Variants in TCP11L1 observed in about 807,000 individuals in gnomAD.
TCP11L1 encodes T-complex protein 11-like protein 1.
TCP11L1 carries 28 observed loss-of-function variants against 48.9 expected under a neutral mutation model. That is an observed-to-expected ratio of 0.57 (90% CI 0.42 to 0.78). The LOEUF is 0.78. Ranked by LOEUF, TCP11L1 falls within the 30% of genes least tolerant of loss-of-function variation. The pLI is 0.00. For missense variants in TCP11L1, 505 were observed against 613.4 expected, an observed-to-expected ratio of 0.82 and a Z score of 1.87; for synonymous variants, 204 against 231.9, an observed-to-expected ratio of 0.88 and a Z score of 1.09.
At chr11:33,049,248 CAAAA>C (rs3078634) in intron 2 of TCP11L1, among the ~76,000 whole-genome samples, 3 of 127,712 alleles carry the variant, frequency 2.3e-5, no homozygotes, top group African/African-American at 3.0e-5. Context: ...GACTCCGTCT[CAAAA>C]AAAAAAAAAA....
intron 3 of TCP11L1, chr11:33,056,594 G>A (rs553772206): frequency 1.1e-5 from 2 of 174,644 alleles, no homozygotes; most frequent in Non-Finnish European, 2.5e-5. Flanking sequence ...ACAGAGTCTC[G>A]CTCTGTTGTC....
chr11:33,042,558 T>C (rs1232062469), intron 1 of TCP11L1, among the ~76,000 whole-genome samples: 1 of 152,244 alleles, frequency 6.6e-6, no homozygotes, highest in Admixed American at 6.5e-5. Flanking sequence ...TGCAGCTTCT[T>C]ACTCACAATC....
At chr11:33,064,950 C>A (rs1392651998) in intron 7 of TCP11L1, among the ~76,000 whole-genome samples, 1 of 152,232 alleles carries the variant, frequency 6.6e-6, no homozygotes, top group Non-Finnish European at 1.5e-5. Context: ...ACCATCGCAC[C>A]TGGCCTTCCA....
intron 4 of TCP11L1, 40 bp from the exon 5 acceptor site, chr11:33,057,879 C>G: frequency 6.5e-7 from 1 of 1,532,420 alleles, no homozygotes; most frequent in East Asian, 2.3e-5. Flanking sequence ...GAAATGATGT[C>G]TAAAGAATTT....
Position 33,054,739 on chromosome 11 carries a change from T to C in TCP11L1, c.296+14T>C, listed in dbSNP as rs745801496. On this transcript the variant is annotated intron_variant, in intron 3 of 9. Transcript: ENST00000334274. Reference sequence around the variant, plus strand: ...ACCAGAAAACAGGTAAGGTGGTTGCTAAATTATCTTGCTTAGTAGAACACT... The same window carrying C: ...ACCAGAAAACAGGTAAGGTGGTTGCCAAATTATCTTGCTTAGTAGAACACT... The C allele has an allele frequency of 3.7e-6, 6 of 1,609,588 alleles. No individual in the cohort carries two copies. The South Asian group carries it at 5.5e-5, about 15-fold the overall frequency.
chr11:33,065,825 TACAG>T lies in TCP11L1; in HGVS notation c.973_976del. 6.2e-7 allele frequency: 1 copy of T among 1,613,240 alleles called. No individual in the cohort carries two copies. The highest frequency in any genetic ancestry group is 1.1e-5 in the South Asian group (1 of 91,042). Reference sequence around the variant, plus strand: ...CTCAGCGATGGCCTCTTCTATTCATTACAGACAGTTTTAATGGACCAGTCTCGCT... The same window carrying T: ...CTCAGCGATGGCCTCTTCTATTCATTACAGTTTTAATGGACCAGTCTCGCT... On this transcript the variant is annotated splice_acceptor_variant and splice_polypyrimidine_tract_variant and intron_variant, in intron 7 of 9. Transcript: ENST00000334274. LOFTEE classifies it high-confidence loss of function.
intron 2 of TCP11L1, among the ~76,000 whole-genome samples, chr11:33,049,395 C>T (rs182287456): frequency 2.6e-5 from 4 of 152,020 alleles, no homozygotes; most frequent in South Asian, 2.1e-4. Context: ...TCATGTGGGA[C>T]GAGAGACTGA....
Position 33,073,363 on chromosome 11 carries a change from A to T in TCP11L1, c.*687A>T, listed in dbSNP as rs1854852517. 1 of 150,752 alleles carries T rather than the reference A, an allele frequency of 6.6e-6. No individual in the cohort carries two copies. The highest frequency in any genetic ancestry group is 1.5e-5 in the Non-Finnish European group (1 of 67,332). 9.3% of individuals were successfully genotyped at this position (150,752 alleles called of 1,614,324 possible). On this transcript the variant is annotated 3_prime_UTR_variant, in exon 10 of 10. Coordinates refer to ENST00000334274, the MANE Select transcript of TCP11L1 (RefSeq NM_018393.4). ...TTCTTTTATACAAAATTACTCCTGCATCTGGTTGAGAGCAGTTATGACTTA... is the reference window on the plus strand; with the variant it reads ...TTCTTTTATACAAAATTACTCCTGCTTCTGGTTGAGAGCAGTTATGACTTA...
intron 4 of TCP11L1, among the ~76,000 whole-genome samples, 175 bp from the exon 5 acceptor site, chr11:33,057,744 A>G (rs892476760): frequency 6.6e-6 from 1 of 152,224 alleles, no homozygotes; most frequent in Admixed American, 6.5e-5. Flanking sequence ...AAGCTTAAGT[A>G]GCTATTGTAA....
chr11:33,055,765 T>G (rs571421864), intron 3 of TCP11L1, among the ~76,000 whole-genome samples: 1 of 152,326 alleles, frequency 6.6e-6, no homozygotes, highest in Non-Finnish European at 1.5e-5. Flanking sequence ...TTTTTGCATT[T>G]AATAGTGAAG....
intron 2 of TCP11L1, among the ~76,000 whole-genome samples, chr11:33,048,919 C>T (rs542887719): frequency 5.3e-5 from 8 of 152,194 alleles, no homozygotes; most frequent in South Asian, 2.1e-4. Flanking sequence ...AGCATAGTAA[C>T]GGTGCCTATT....
intron 2 of TCP11L1, among the ~76,000 whole-genome samples, chr11:33,052,976 G>A (rs546990103): frequency 2.0e-5 from 3 of 148,326 alleles, no homozygotes; most frequent in African/African-American, 7.5e-5. Flanking sequence ...TGGTGACAGA[G>A]TAAGACCCTA....
intron 3 of TCP11L1, among the ~76,000 whole-genome samples, chr11:33,055,196 C>T (rs1447727181): frequency 1.3e-5 from 2 of 152,144 alleles, no homozygotes; most frequent in Non-Finnish European, 2.9e-5. Flanking sequence ...TAAGAAAGAT[C>T]CAAGTTTCTG....
At chr11:33,062,100 GTAAA>G (rs1048863983) in intron 7 of TCP11L1, among the ~76,000 whole-genome samples, 5 of 152,014 alleles carry the variant, frequency 3.3e-5, no homozygotes, top group Middle Eastern at 3.4e-3. Context: ...AAATAAATAA[GTAAA>G]TAAATAAAAT....
rs1381759594 is a variant in TCP11L1 at position 33,057,260 on chromosome 11, G to A, written c.417+25G>A. 7 of 1,613,998 alleles carry A rather than the reference G, an allele frequency of 4.3e-6. No individual in the cohort carries two copies. The East Asian group carries it at 1.1e-4, about 26-fold the overall frequency. On this transcript the variant is annotated intron_variant, in intron 4 of 9. Coordinates refer to ENST00000334274, the MANE Select transcript of TCP11L1 (RefSeq NM_018393.4). ...GGTGAGGCAAAGAGTGAATTGTGAT[G>A]CTTTTCTGGTGTGTTAGGAGTGTTT...
rs569641527 is a variant in TCP11L1, at chr11:33,065,859, C to T, written c.1002C>T (p.His334=). The part of the protein sequence containing the change: ...ETVLMDQSRF[H]ELQLQLEQLT... ...TTTTAATGGACCAGTCTCGCTTCCA[C>T]GAGCTCCAGTTGCAGCTGGAACAAC... The change falls in exon 8 of 10, where the codon CAC becomes CAT. Residue 334 remains histidine, a synonymous_variant. Coordinates refer to ENST00000334274, the MANE Select transcript of TCP11L1 (RefSeq NM_018393.4). 8 of 1,613,944 alleles carry T rather than the reference C, an allele frequency of 5.0e-6. No homozygotes were observed. The East Asian group carries it at 6.7e-5, about 13-fold the overall frequency.
chr11:33,047,080 G>A lies in TCP11L1; in HGVS notation c.163+3144G>A, dbSNP rs576618373. On this transcript the variant is annotated intron_variant, in intron 2 of 9. Coordinates refer to ENST00000334274, the MANE Select transcript of TCP11L1 (RefSeq NM_018393.4). ...TCTACTAAAAATACAAAAATTAGCC[G>A]GGAGTGGTGGTGTGTGCCTGTAATT... is the stretch of plus-strand genomic sequence containing the variant. Among the ~76,000 whole-genome samples the A allele has an allele frequency of 6.6e-5, 10 of 152,072 alleles. No individual in the cohort carries two copies. The South Asian group carries it at 1.5e-3, about 22-fold the overall frequency.
At chr11:33,071,247 G>A (rs1225575262) in intron 9 of TCP11L1, among the ~76,000 whole-genome samples, 3 of 152,130 alleles carry the variant, frequency 2.0e-5, no homozygotes, top group Non-Finnish European at 4.4e-5. Context: ...CTCGGGAGGC[G>A]GAGGTGTAGT....
intron 9 of TCP11L1, among the ~76,000 whole-genome samples, chr11:33,071,416 C>T (rs548556042): frequency 1.1e-3 from 172 of 152,250 alleles, no homozygotes; most frequent in African/African-American, 3.9e-3. Flanking sequence ...TGAGAGGATT[C>T]CCCAGGCAGG....
Sources: allele counts gnomAD v4.1 joint callset (sites outside exome capture counted in the v4.1 genomes callset), GRCh38; gene constraint gnomAD v4.1.1; transcripts MANE v1.5; gene names NCBI Gene and HGNC (gene_info 2026-07-23, HGNC 2026-07-21).